ROBO2: variants seen among roughly 807,000 people sequenced by gnomAD.
The protein encoded by ROBO2 is roundabout guidance receptor 2.
Under a neutral mutation model 160.8 loss-of-function variants are expected in ROBO2, and 53 were observed. That is an observed-to-expected ratio of 0.33 (90% CI 0.26 to 0.41). The LOEUF is 0.41. Ranked by LOEUF, ROBO2 falls within the 10% of genes least tolerant of loss-of-function variation. The pLI, the probability that ROBO2 is intolerant of heterozygous loss-of-function variation, is 1.00. For missense variants in ROBO2, 1,577 were observed against 1,722.4 expected (o/e 0.92, Z 1.49); for synonymous variants, 664 against 611.7 (o/e 1.09, Z -1.26).
chr3:76,442,822 T>C (rs1163054410), intron 2 of ROBO2, among the ~76,000 whole-genome samples: 1 of 152,104 alleles, frequency 6.6e-6, no homozygotes, highest in African/African-American at 2.4e-5. Flanking sequence ...CAAGTAACCC[T>C]TTTTTAATTA....
chr3:77,040,281 A>T, exon 1 of ROBO2: 1 of 994,110 alleles, frequency 1.0e-6, no homozygotes, highest in African/African-American at 1.7e-5. Flanking sequence ...TAGACATATT[A>T]AAAAATAACT....
rs2062692575 is a variant in ROBO2 at position 76,782,225 on chromosome 3, T to C, written c.110-315789T>C. On this transcript the variant is annotated intron_variant, in intron 2 of 26. Coordinates refer to the ROBO2 transcript ENST00000487694. ...TTTTCTTCCTAGTATTGATTTCTAG[T>C]TTCATACCGTTATGGTAGAAAAGAT... is the stretch of plus-strand genomic sequence containing the variant. Among the ~76,000 whole-genome samples, 4 of 150,748 alleles carry C rather than the reference T, an allele frequency of 2.7e-5. No homozygotes were observed. In the South Asian group the frequency reaches 8.3e-4, roughly 31 times the overall value.
At chr3:76,469,483 T>G (rs186824525) in intron 2 of ROBO2, among the ~76,000 whole-genome samples, 2 of 152,180 alleles carry the variant, frequency 1.3e-5, no homozygotes, top group African/African-American at 4.8e-5. Context: ...ACAAAGTCTA[T>G]TAAAAGGCTG....
At chr3:76,560,698 C>T (rs2084119858) in intron 2 of ROBO2, among the ~76,000 whole-genome samples, 1 of 150,200 alleles carries the variant, frequency 6.7e-6, no homozygotes, top group Non-Finnish European at 1.5e-5. Context: ...CCTTTTTCCC[C>T]CACATATTAA....
Position 77,634,985 on chromosome 3 carries a change from G to A in ROBO2, c.3876G>A (p.Lys1292=), listed in dbSNP as rs200933374. The A allele has an allele frequency of 2.5e-4, 399 of 1,614,174 alleles. No individual in the cohort carries two copies. Among genetic ancestry groups the A allele is most frequent in the Admixed American group, 4.8e-4 (29 of 60,012 alleles). Residue 1292 remains lysine (K), a synonymous_variant, in exon 24 of 26, where the codon AAG becomes AAA. Transcript: ENST00000461745. ...GGCCTCGGCCCACTAAAAAACACAA[G>A]GGAGGGCGGATGGACCAACAACCAG...
rs147350062 is a variant in ROBO2 at position 76,198,929 on chromosome 3, C to T, written c.109+261327C>T. Among the ~76,000 whole-genome samples the T allele has an allele frequency of 1.6e-3, 240 of 152,240 alleles. 6 individuals carry two copies. In the East Asian group the frequency reaches 0.041, roughly 26 times the overall value. ...TGATGTCTGCCTGTAACTTCTGTTC[C>T]CTTAAAATGTATGAAATTGAACTGT... On this transcript the variant is annotated intron_variant, in intron 2 of 26. Transcript: ENST00000487694.
chr3:76,371,219 A>C, intron 2 of ROBO2, among the ~76,000 whole-genome samples: 1 of 151,998 alleles, frequency 6.6e-6, no homozygotes, highest in East Asian at 1.9e-4. Context: ...TTGCTTCATT[A>C]AAATAAAGAT....
intron 2 of ROBO2, among the ~76,000 whole-genome samples, chr3:76,788,046 T>C (rs2063107406): frequency 6.7e-6 from 1 of 150,302 alleles, no homozygotes; most frequent in African/African-American, 2.4e-5. Flanking sequence ...AAACAAGACT[T>C]TTTTTTTTCT....
chr3:76,900,904 A>C (rs1437310334), intron 2 of ROBO2, among the ~76,000 whole-genome samples: 1 of 152,208 alleles, frequency 6.6e-6, no homozygotes, highest in Non-Finnish European at 1.5e-5. Flanking sequence ...AGTTACTCTT[A>C]AAGGAAAATA....
chr3:75,968,640 A>G (rs914762310), intron 2 of ROBO2, among the ~76,000 whole-genome samples: 11 of 151,614 alleles, frequency 7.3e-5, no homozygotes, highest in African/African-American at 2.7e-4. Context: ...ACAGAATACA[A>G]TATTATTAAC....
At chr3:77,181,823 C>A (rs1040577218) in intron 2 of ROBO2, among the ~76,000 whole-genome samples, 1 of 151,932 alleles carries the variant, frequency 6.6e-6, no homozygotes, top group East Asian at 1.9e-4. Context: ...AATGCGAAGT[C>A]TCATATCAAT....
intron 2 of ROBO2, among the ~76,000 whole-genome samples, chr3:76,443,602 A>G (rs2077028691): frequency 6.6e-6 from 1 of 152,186 alleles, no homozygotes; most frequent in Admixed American, 6.6e-5. Flanking sequence ...CAAATACTGC[A>G]GGGTCTACCA....
intron 2 of ROBO2, among the ~76,000 whole-genome samples, chr3:76,191,095 T>C (rs1701983942): frequency 6.6e-6 from 1 of 152,122 alleles, no homozygotes; most frequent in African/African-American, 2.4e-5. Context: ...AACTCTTAAG[T>C]GGTGCTAATG....
chr3:76,201,169 T>G (rs957519161), intron 2 of ROBO2, among the ~76,000 whole-genome samples: 5 of 152,222 alleles, frequency 3.3e-5, no homozygotes, highest in African/African-American at 1.2e-4. Context: ...GCCACAACAG[T>G]CTTCTCAGTT....
intron 2 of ROBO2, among the ~76,000 whole-genome samples, chr3:76,258,968 C>T (rs947659286): frequency 6.6e-6 from 1 of 151,842 alleles, no homozygotes; most frequent in South Asian, 2.1e-4. Flanking sequence ...TTTTCTTGGC[C>T]CCAATGGTTA....
intron 2 of ROBO2, among the ~76,000 whole-genome samples, chr3:76,308,526 C>A (rs142923301): frequency 6.6e-6 from 1 of 152,008 alleles, no homozygotes; most frequent in African/African-American, 2.4e-5. Context: ...CTAATATTAA[C>A]GTAGATGGGA....
rs76349200 is a variant in ROBO2, at chr3:76,765,274, G to A, written c.110-332740G>A. ...TATTTTCAAGTCAAGTATAGTTACA[G>A]CATGAGAACTACATACCTGGTTGTC... On this transcript the variant is annotated intron_variant, in intron 2 of 26. Coordinates refer to the ROBO2 transcript ENST00000487694. Among the ~76,000 whole-genome samples the A allele has an allele frequency of 7.2e-3, 1,093 of 151,716 alleles. 7 individuals carry two copies. Among genetic ancestry groups the A allele is most frequent in the Non-Finnish European group, 0.011 (756 of 67,756 alleles).
At chr3:77,124,406 T>A (rs1388701151) in intron 2 of ROBO2, among the ~76,000 whole-genome samples, 3 of 152,022 alleles carry the variant, frequency 2.0e-5, no homozygotes, top group African/African-American at 7.2e-5. Context: ...GGAGTAGAGT[T>A]TATATTACTG....
intron 2 of ROBO2, among the ~76,000 whole-genome samples, chr3:76,738,083 G>A (rs751748572): frequency 5.9e-5 from 9 of 151,972 alleles, no homozygotes; most frequent in African/African-American, 2.2e-4. Context: ...GCAGTGAGCC[G>A]TGATCGCAAC....
Sources: gnomAD v4.1 joint callset for allele counts (sites outside exome capture counted in the v4.1 genomes callset) on GRCh38, gnomAD v4.1.1 for gene constraint, MANE v1.5 for transcripts, NCBI Gene and HGNC (gene_info 2026-07-23, HGNC 2026-07-21) for gene names.